Variants in TNS1 observed in about 807,000 individuals in gnomAD.
TNS1 encodes the protein tensin 1.
A neutral mutation model predicts 168.6 loss-of-function variants in TNS1; 62 were observed. The observed-to-expected ratio is 0.37, with a 90% CI of 0.30 to 0.45. The LOEUF (loss-of-function observed/expected upper bound fraction) is 0.45. TNS1 is among the 20% of genes least tolerant of loss of function. The pLI, the probability that TNS1 is intolerant of heterozygous loss-of-function variation, is 1.00. For missense variants in TNS1, 2,240 were observed against 2,339.4 expected (o/e 0.96, Z 0.88); for synonymous variants, 934 against 933.2 (o/e 1.00, Z -0.02).
chr2:217,977,629 C>T (rs1033107229), intron 3 of TNS1, among the ~76,000 whole-genome samples: 1 of 151,868 alleles, frequency 6.6e-6, no homozygotes, highest in Admixed American at 6.5e-5. Flanking sequence ...CATACATTAC[C>T]TCATTGAATT....
chr2:217,859,748 T>C (rs1178076236), intron 18 of TNS1: 3 of 1,439,108 alleles, frequency 2.1e-6, no homozygotes, highest in East Asian at 5.0e-5. Context: ...GAGTTCGCAA[T>C]GCCTCACCCT....
upstream of TNS1, among the ~76,000 whole-genome samples, chr2:218,014,357 C>A (rs776742350): frequency 9.2e-5 from 14 of 152,134 alleles, no homozygotes; most frequent in Non-Finnish European, 1.6e-4. Context: ...GAGAGTCCTC[C>A]CATGATTCCC....
In TNS1 at chr2:218,032,835, T is replaced by G. The variant is rs1351937375; in HGVS notation, c.156+985A>C. On this transcript the variant is annotated intron_variant, in intron 1 of 1. Coordinates refer to the TNS1 transcript ENST00000649572. The surrounding 1 kb of genome is among the most constrained non-coding windows in gnomAD (Gnocchi z 4.0). ...GGAGTCACAGGCGAGCTCCAGGCTC[T>G]CTCCAGAGGCCGCTTAGAAACCAGC... 1.3e-5 allele frequency among the ~76,000 whole-genome samples: 2 copies of G among 152,056 alleles called. No homozygotes were observed. Among genetic ancestry groups the G allele is most frequent in the African/African-American group, 2.4e-5 (1 of 41,394 alleles).
chr2:217,827,094 C>T (rs1035505247), intron 22 of TNS1, among the ~76,000 whole-genome samples: 1 of 152,060 alleles, frequency 6.6e-6, no homozygotes, highest in African/African-American at 2.4e-5. Context: ...CTATTCCTAC[C>T]TCAGCTCAGC....
intron 13 of TNS1, 119 bp from the exon 14 acceptor site, chr2:217,886,223 G>T: frequency 9.4e-7 from 1 of 1,066,090 alleles, no homozygotes; most frequent in Non-Finnish European, 1.4e-6. Context: ...GACGGGGTAG[G>T]AAGGGGAAGG....
intron 2 of TNS1, among the ~76,000 whole-genome samples, chr2:217,985,916 C>T (rs1958182504): frequency 6.6e-6 from 1 of 152,132 alleles, no homozygotes; most frequent in African/African-American, 2.4e-5. Context: ...GGCAGGGGTC[C>T]CAGAGCCCTG....
rs115315440 is a variant in TNS1, at chr2:217,815,338, T to G, written c.4643-340A>C. 970 of 261,674 alleles carry G rather than the reference T, an allele frequency of 3.7e-3. 6 individuals are homozygous for G. Among genetic ancestry groups the G allele is most frequent in the African/African-American group, 0.017 (807 of 47,078 alleles). 16.2% of individuals were successfully genotyped at this position (261,674 alleles called of 1,614,324 possible). A position where few individuals can be genotyped will look rare whatever the true frequency, so the allele number is the denominator to read the frequency against. On this transcript the variant is annotated intron_variant, in intron 24 of 32. Transcript: ENST00000682258. ...ACTGGGAGAGAGGCCTGGGACAGAT[T>G]CTCCCCTAGAACATCAGGAAGGAGC...
At chr2:217,808,242 C>T in intron 31 of TNS1, 135 bp from the exon 32 acceptor site, 1 of 1,044,418 alleles carries the variant, frequency 9.6e-7, no homozygotes, top group Non-Finnish European at 1.4e-6. Flanking sequence ...TCCCCCATTC[C>T]CCCATTCCCC....
chr2:217,907,375 C>A, intron 4 of TNS1, 124 bp from the exon 5 acceptor site: 1 of 659,826 alleles, frequency 1.5e-6, no homozygotes, highest in Non-Finnish European at 2.8e-6. Flanking sequence ...TGAGGCCAAC[C>A]CAAGACTCAG....
intron 1 of TNS1, 29 bp from the exon 2 acceptor site, chr2:217,991,085 CT>C: frequency 1.6e-6 from 1 of 615,270 alleles, no homozygotes; most frequent in South Asian, 1.8e-5. Flanking sequence ...AGAGTCAGCC[CT>C]GGGTAGAAGG....
At chr2:217,821,648 C>G (rs1942865624) in intron 23 of TNS1, 92 bp downstream of exon 23, 3 of 1,276,858 alleles carry the variant, frequency 2.3e-6, no homozygotes, top group African/African-American at 1.6e-5. Flanking sequence ...CCTGTCCACG[C>G]CATAGGCAAC....
chr2:218,003,635 C>T (rs1958613559), upstream of TNS1, among the ~76,000 whole-genome samples: 1 of 150,692 alleles, frequency 6.6e-6, no homozygotes. Flanking sequence ...CTTTTTTTTT[C>T]CCCCTTCTTT....
At chr2:217,862,418 C>T (rs1202602628) in intron 18 of TNS1, among the ~76,000 whole-genome samples, 3 of 152,178 alleles carry the variant, frequency 2.0e-5, no homozygotes, top group African/African-American at 7.2e-5. Flanking sequence ...ATCCCCTGTA[C>T]CCCCTGAGGT....
rs548553618 is a variant in TNS1 at position 217,809,853 on chromosome 2, T to G, written c.5243A>C (p.Gln1748Pro). 3 of 1,614,056 alleles carry G rather than the reference T, an allele frequency of 1.9e-6. No individual in the cohort carries two copies. In the African/African-American group the frequency reaches 4.0e-5, roughly 22 times the overall value. Residue 1748 changes from glutamine to proline, a missense_variant, in exon 30 of 33, where the codon CAG becomes CCG. By Grantham distance (76) the Gln-to-Pro change is moderately conservative. Around this residue, in one of 2 missense-constraint regions of TNS1, gnomAD observed 109 missense variants for 168.1 expected, o/e 0.65. Coordinates refer to ENST00000682258, the MANE Select transcript of TNS1 (RefSeq NM_001387777.1). ...ATIVHFKVSAQGITLTDNQRK... is the reference protein window; with the variant it reads ...ATIVHFKVSAPGITLTDNQRK... ...CTGGTTGTCAGTCAGAGTGATTCCC[T>G]GGGCAGAGACTTTGAAGTGAACGAT...
At chr2:217,877,939 G>A (rs959038289) in intron 18 of TNS1, among the ~76,000 whole-genome samples, 1 of 152,220 alleles carries the variant, frequency 6.6e-6, no homozygotes, top group African/African-American at 2.4e-5. Context: ...AGAGGGAATG[G>A]TCTGGCCTCT....
intron 3 of TNS1, among the ~76,000 whole-genome samples, chr2:217,973,792 T>A (rs1237693410): frequency 6.6e-6 from 1 of 152,146 alleles, no homozygotes; most frequent in African/African-American, 2.4e-5. Context: ...AGGGAAAACA[T>A]GTTGTAGATT....
chr2:218,030,755 G>A (rs1003314726), intron 1 of TNS1, among the ~76,000 whole-genome samples: 1 of 152,224 alleles, frequency 6.6e-6, no homozygotes, highest in African/African-American at 2.4e-5. Context: ...GGTCTTCAGT[G>A]TGCTGTTTTG....
In TNS1 at chr2:217,842,190, T is replaced by C. The variant is rs995875087; in HGVS notation, c.3007+5320A>G. 3 of 699,776 alleles carry C rather than the reference T, an allele frequency of 4.3e-6. No homozygotes were observed. In the African/African-American group the frequency reaches 5.3e-5, roughly 12 times the overall value. 43.3% of individuals were successfully genotyped at this position (699,776 alleles called of 1,614,324 possible). On this transcript the variant is annotated intron_variant, in intron 19 of 32. Transcript: ENST00000682258. Reference sequence around the variant, plus strand: ...ACCTGTCCTCAACCCCTCGGTGACATTGCCCAGTGCTATGCTTAATCTGGT... The same window carrying C: ...ACCTGTCCTCAACCCCTCGGTGACACTGCCCAGTGCTATGCTTAATCTGGT...
rs183281111 is a variant in TNS1 at position 217,821,733 on chromosome 2, G to A, written c.3572+7C>T. On this transcript the variant is annotated splice_region_variant and intron_variant, in intron 23 of 32. Transcript: ENST00000682258. ...CATCCCCCACCCACTGCCCCTTCCC[G>A]GCTTACCTGTCAGCACTGAGGATGG... 93 of 1,433,630 alleles carry A rather than the reference G, an allele frequency of 6.5e-5. No homozygotes were observed. The highest frequency in any genetic ancestry group is 2.3e-4 in the Middle Eastern group (1 of 4,328). 88.8% of individuals were successfully genotyped at this position (1,433,630 alleles called of 1,614,324 possible). A position where few individuals can be genotyped will look rare whatever the true frequency, so the allele number is the denominator to read the frequency against.
Sources: allele counts gnomAD v4.1 joint callset (sites outside exome capture counted in the v4.1 genomes callset), GRCh38; gene constraint gnomAD v4.1.1; regional missense constraint gnomAD v4.1.1; non-coding constraint Gnocchi (gnomAD v3.1); transcripts MANE v1.5; gene names NCBI Gene and HGNC (gene_info 2026-07-23, HGNC 2026-07-21).